CSMD3: variants seen among roughly 807,000 people sequenced by gnomAD.
CSMD3 encodes CUB and Sushi multiple domains 3, also known as CUB and sushi domain-containing protein 3.
Under a neutral mutation model 435.2 loss-of-function variants are expected in CSMD3, and 177 were observed. The observed-to-expected ratio is 0.41, with a 90% confidence interval of 0.36 to 0.46. CSMD3 has a LOEUF of 0.46. Among genes scored for constraint, CSMD3 ranks in the 20% least tolerant of loss-of-function variants. CSMD3 has a pLI of 0.34. For missense variants in CSMD3, 4,265 were observed against 4,504.6 expected (o/e 0.95, Z 1.52); for synonymous variants, 1,656 against 1,520.5 (o/e 1.09, Z -2.07).
In CSMD3 at chr8:112,685,691, G is replaced by C. The variant is rs2131805814; in HGVS notation, c.2197C>G (p.Leu733Val). 6.2e-7 allele frequency: 1 copy of C among 1,613,462 alleles called. No individual in the cohort carries two copies. Among genetic ancestry groups the C allele is most frequent in the Non-Finnish European group, 8.5e-7 (1 of 1,179,488 alleles). Residue 733 changes from leucine to valine, a missense_variant, in exon 15 of 71, where the codon CTT becomes GTT. This residue lies in a region of CSMD3 where 279 missense variants were observed against 369.0 expected (regional missense o/e 0.76). Transcript: ENST00000297405. Reference protein sequence around the residue: ...SNFTAPMGTVLSPDYPEGYGN... With the variant: ...SNFTAPMGTVVSPDYPEGYGN... ...TACCCTTCTGGGTAATCAGGAGAAA[G>C]AACTGTTCCCATTGGTGCAGTAAAG...
intron 11 of CSMD3, among the ~76,000 whole-genome samples, chr8:112,833,412 G>A (rs1490579613): frequency 1.3e-5 from 2 of 151,674 alleles, no homozygotes; most frequent in Non-Finnish European, 2.9e-5. Flanking sequence ...AACTTTTTTG[G>A]TATATAGAAA....
At position 112,947,783 on chromosome 8, in the gene CSMD3, A is replaced by T. The variant is rs1415797346; in HGVS notation, c.1508+7T>A. On this transcript the variant is annotated splice_region_variant and intron_variant, in intron 9 of 70. Coordinates refer to ENST00000297405, the MANE Select transcript of CSMD3 (RefSeq NM_198123.2). ...TAAATAATGAAGTCAATATTTTAAA[A>T]TATTACCTAAAATCTGATCCGATTC... The T allele has an allele frequency of 2.6e-6, 3 of 1,135,388 alleles. No individual in the cohort carries two copies. Among genetic ancestry groups the T allele is most frequent in the Non-Finnish European group, 4.0e-6 (3 of 746,806 alleles). The allele number at this position is 1,135,388 out of a possible 1,614,324, so 70.3% of individuals were successfully genotyped here.
At chr8:113,177,626 G>C (rs896900234) in intron 3 of CSMD3, among the ~76,000 whole-genome samples, 1 of 151,892 alleles carries the variant, frequency 6.6e-6, no homozygotes, top group Non-Finnish European at 1.5e-5. Flanking sequence ...CACTTAGAGC[G>C]GGCAGGTTGA....
intron 4 of CSMD3, among the ~76,000 whole-genome samples, chr8:113,167,265 T>C (rs1238762552): frequency 6.6e-6 from 1 of 152,204 alleles, no homozygotes; most frequent in East Asian, 1.9e-4. Context: ...TTGACTTTTA[T>C]GTGTTTGGAA....
In CSMD3 at chr8:113,278,672, G is replaced by C. The variant is rs1421914022; in HGVS notation, c.434C>G (p.Thr145Arg). The C allele has an allele frequency of 1.9e-6, 3 of 1,592,028 alleles. No individual in the cohort carries two copies. Among genetic ancestry groups the C allele is most frequent in the Non-Finnish European group, 2.6e-6 (3 of 1,160,436 alleles). The change falls in exon 3 of 71, where the codon ACA (threonine) becomes AGA (arginine). Residue 145 changes from threonine (T) to arginine (R), a missense_variant. Coordinates refer to ENST00000297405, the MANE Select transcript of CSMD3 (RefSeq NM_198123.2). Reference protein sequence around the residue: ...LTGFHLPPPVTSTKSVFSLRL... With the variant: ...LTGFHLPPPVRSTKSVFSLRL... Reference sequence around the variant, plus strand: ...TAGTGAGAACACAGATTTGGTACTTGTCACTGGAGGTGGCAGATGGAATCC... The same window carrying C: ...TAGTGAGAACACAGATTTGGTACTTCTCACTGGAGGTGGCAGATGGAATCC...
intron 5 of CSMD3, among the ~76,000 whole-genome samples, chr8:113,097,634 T>C (rs939619104): frequency 3.3e-5 from 5 of 152,060 alleles, no homozygotes; most frequent in Non-Finnish European, 5.9e-5. Flanking sequence ...CTCTAAATTA[T>C]TGAATCATAT....
At chr8:113,411,623 A>T (rs1271576796) in intron 1 of CSMD3, among the ~76,000 whole-genome samples, 1 of 152,190 alleles carries the variant, frequency 6.6e-6, no homozygotes, top group Non-Finnish European at 1.5e-5. Context: ...ATCCTTATTA[A>T]ATCCATTAAA....
At chr8:112,732,410 T>C (rs572242450) in intron 13 of CSMD3, among the ~76,000 whole-genome samples, 4 of 152,208 alleles carry the variant, frequency 2.6e-5, no homozygotes, top group African/African-American at 7.2e-5. Flanking sequence ...TGTTTAATTA[T>C]ATTAATTTGA....
At chr8:113,085,651 A>T (rs2089736238) in intron 5 of CSMD3, among the ~76,000 whole-genome samples, 2 of 152,142 alleles carry the variant, frequency 1.3e-5, no homozygotes, top group Admixed American at 1.3e-4. Flanking sequence ...CCTAAAGAAC[A>T]TTATTTTAAG....
intron 1 of CSMD3, among the ~76,000 whole-genome samples, chr8:113,315,418 G>A (rs1190055244): frequency 6.6e-6 from 1 of 151,840 alleles, no homozygotes; most frequent in Non-Finnish European, 1.5e-5. Flanking sequence ...CGAAGGTCAG[G>A]ACAAAAATAC....
intron 40 of CSMD3, among the ~76,000 whole-genome samples, chr8:112,346,992 T>A (rs190716474): frequency 6.6e-6 from 1 of 152,082 alleles, no homozygotes; most frequent in African/African-American, 2.4e-5. Flanking sequence ...AGCAAAATAT[T>A]GGTTTCCATT....
At chr8:112,808,833 C>A (rs973141970) in intron 12 of CSMD3, among the ~76,000 whole-genome samples, 8 of 151,738 alleles carry the variant, frequency 5.3e-5, no homozygotes, top group African/African-American at 1.9e-4. Flanking sequence ...GTCTCTCGGT[C>A]GCCAGCAATA....
chr8:113,359,251 AAAC>A (rs1278934969), intron 1 of CSMD3, among the ~76,000 whole-genome samples: 3 of 152,192 alleles, frequency 2.0e-5, no homozygotes, highest in Admixed American at 6.5e-5. Context: ...TTTAATTGGA[AAAC>A]AACAAGTCAT....
At chr8:112,413,200 C>T (rs1056672153) in intron 32 of CSMD3, among the ~76,000 whole-genome samples, 1 of 152,062 alleles carries the variant, frequency 6.6e-6, no homozygotes, top group Non-Finnish European at 1.5e-5. Flanking sequence ...CATTTTCTCC[C>T]CCATGAATAA....
At chr8:112,608,149 C>A (rs1353479513) in intron 22 of CSMD3, among the ~76,000 whole-genome samples, 1 of 151,838 alleles carries the variant, frequency 6.6e-6, no homozygotes, top group East Asian at 1.9e-4. Flanking sequence ...GTTGTGTTTC[C>A]ATATACTAAC....
At chr8:112,583,027 T>G (rs922126517) in intron 23 of CSMD3, among the ~76,000 whole-genome samples, 1 of 152,046 alleles carries the variant, frequency 6.6e-6, no homozygotes, top group African/African-American at 2.4e-5. Flanking sequence ...ACAGCTCACA[T>G]GATCTAAGAT....
chr8:113,270,873 T>G (rs1157312426), intron 3 of CSMD3, among the ~76,000 whole-genome samples: 1 of 151,712 alleles, frequency 6.6e-6, no homozygotes, highest in African/African-American at 2.4e-5. Context: ...ATACCTAATG[T>G]AAATGACAAG....
intron 38 of CSMD3, among the ~76,000 whole-genome samples, chr8:112,358,660 T>C (rs1305874506): frequency 6.6e-6 from 1 of 152,192 alleles, no homozygotes; most frequent in Non-Finnish European, 1.5e-5. Flanking sequence ...ATGTAAGACG[T>C]GACTTGCTGT....
chr8:112,449,086 A>G (rs1467989388), intron 32 of CSMD3, among the ~76,000 whole-genome samples: 1 of 146,908 alleles, frequency 6.8e-6, no homozygotes, highest in African/African-American at 2.5e-5. Flanking sequence ...TACAAACCTC[A>G]TTCTCAATCT....
Sources: allele counts gnomAD v4.1 joint callset (sites outside exome capture counted in the v4.1 genomes callset), GRCh38; gene constraint gnomAD v4.1.1; regional missense constraint gnomAD v4.1.1; transcripts MANE v1.5; gene names NCBI Gene and HGNC (gene_info 2026-07-23, HGNC 2026-07-21).